The following DENND1A variants were observed in gnomAD, a reference collection of about 807,000 sequenced individuals.
The protein encoded by DENND1A is DENN domain containing 1A.
Under a neutral mutation model 113.7 loss-of-function variants are expected in DENND1A, and 51 were observed. The ratio of observed to expected loss-of-function variants is 0.45; its 90% CI spans 0.36 to 0.57. The LOEUF (loss-of-function observed/expected upper bound fraction) is 0.57, where lower values mean the gene tolerates loss of function less well. DENND1A is among the 20% of genes least tolerant of loss of function. The pLI is 0.00. For missense variants in DENND1A, 1,258 were observed against 1,395.9 expected, an observed-to-expected ratio of 0.90 and a Z score of 1.57; for synonymous variants, 565 against 570.8, an observed-to-expected ratio of 0.99 and a Z score of 0.14.
At chr9:123,757,474 T>G (rs1448387954) in intron 5 of DENND1A, among the ~76,000 whole-genome samples, 6 of 152,224 alleles carry the variant, frequency 3.9e-5, no homozygotes, top group Non-Finnish European at 7.3e-5. Flanking sequence ...TCAGAAGAGA[T>G]GGTCCCCTTT....
chr9:123,723,673 T>G (rs137979292), intron 5 of DENND1A, among the ~76,000 whole-genome samples: 2 of 152,168 alleles, frequency 1.3e-5, no homozygotes, highest in Non-Finnish European at 2.9e-5. Flanking sequence ...CTGCCATCCA[T>G]GTAAGATGTG....
chr9:123,419,575 A>G (rs2045058416), intron 19 of DENND1A, among the ~76,000 whole-genome samples: 1 of 152,236 alleles, frequency 6.6e-6, no homozygotes, highest in Admixed American at 6.5e-5. Context: ...TATGCATGAA[A>G]CAGACCCGGT....
chr9:123,703,187 C>A (rs1484464791), intron 5 of DENND1A, among the ~76,000 whole-genome samples: 1 of 152,166 alleles, frequency 6.6e-6, no homozygotes, highest in African/African-American at 2.4e-5. Context: ...TGGGGTTTCA[C>A]TATGTTACCC....
intron 7 of DENND1A, among the ~76,000 whole-genome samples, chr9:123,667,920 C>G (rs780299216): frequency 2.0e-5 from 3 of 152,052 alleles, no homozygotes; most frequent in Non-Finnish European, 2.9e-5. Context: ...AAATTCTGCC[C>G]CCGAAGCCCA....
In DENND1A at chr9:123,923,444, A is replaced by G. The variant is rs111703428; in HGVS notation, c.17+6445T>C. Among the ~76,000 whole-genome samples the G allele has an allele frequency of 2.7e-3, 416 of 152,356 alleles. 2 individuals carry two copies. Among genetic ancestry groups the G allele is most frequent in the Middle Eastern group, 0.01 (3 of 294 alleles). ...TGGCGGAGAAAGGGAAGAGGGGAAT[A>G]GGCATTAGAGGAAGAAGGCCTGGAA... On this transcript the variant is annotated intron_variant, in intron 1 of 23. Coordinates refer to ENST00000394215, the MANE Select transcript of DENND1A (RefSeq NM_001352964.2).
intron 13 of DENND1A, among the ~76,000 whole-genome samples, chr9:123,470,880 GGCTGA>G (rs1403357697): frequency 6.6e-6 from 1 of 152,172 alleles, no homozygotes; most frequent in East Asian, 1.9e-4. Context: ...ACTCATGCAG[GGCTGA>G]GTCTCTGGTG....
chr9:123,545,118 C>T (rs1285433806), intron 13 of DENND1A, among the ~76,000 whole-genome samples: 3 of 151,066 alleles, frequency 2.0e-5, no homozygotes, highest in Non-Finnish European at 4.4e-5. Context: ...AAAAAAAGAA[C>T]TATGACAACT....
intron 13 of DENND1A, among the ~76,000 whole-genome samples, chr9:123,462,414 T>TGTG (rs1302811921): frequency 6.6e-6 from 1 of 152,242 alleles, no homozygotes; most frequent in East Asian, 1.9e-4. Flanking sequence ...GCAGCATGCA[T>TGTG]GTGGTCTACT....
intron 13 of DENND1A, among the ~76,000 whole-genome samples, chr9:123,459,528 A>G (rs1048202938): frequency 3.9e-5 from 6 of 151,996 alleles, no homozygotes; most frequent in African/African-American, 1.5e-4. Context: ...CAAGAAGACG[A>G]TACCCTGAGT....
At chr9:123,454,176 C>T (rs1389426595) in intron 16 of DENND1A, among the ~76,000 whole-genome samples, 1 of 152,198 alleles carries the variant, frequency 6.6e-6, no homozygotes, top group African/African-American at 2.4e-5. Context: ...CTGCTGCATC[C>T]CCAGTACCCA....
chr9:123,395,468 C>CTGTGTGTGTGTGTG (rs60527655), intron 21 of DENND1A, among the ~76,000 whole-genome samples: 1 of 142,890 alleles, frequency 7.0e-6, no homozygotes, highest in African/African-American at 2.7e-5. Flanking sequence ...CTCTCTCTCT[C>CTGTGTGTGTGTGTG]TGTGTGTGTG....
intron 13 of DENND1A, among the ~76,000 whole-genome samples, chr9:123,522,490 T>G (rs1310936132): frequency 6.6e-6 from 1 of 152,164 alleles, no homozygotes; most frequent in Non-Finnish European, 1.5e-5. Flanking sequence ...CAGCCACACA[T>G]AGTAAAGTGG....
At chr9:123,843,430 C>A in intron 2 of DENND1A, 1 of 301,726 alleles carries the variant, frequency 3.3e-6, no homozygotes. Flanking sequence ...AACCAAATCT[C>A]AAAAGCATAG....
intron 19 of DENND1A, among the ~76,000 whole-genome samples, chr9:123,412,207 C>T (rs1201685117): frequency 6.6e-6 from 1 of 152,208 alleles, no homozygotes; most frequent in Non-Finnish European, 1.5e-5. Context: ...TGCATGTCCC[C>T]CAAGACCGGG....
chr9:123,682,610 G>C (rs13289220), intron 5 of DENND1A, among the ~76,000 whole-genome samples: 1 of 152,112 alleles, frequency 6.6e-6, no homozygotes, highest in African/African-American at 2.4e-5. Flanking sequence ...TTAAAAAGCA[G>C]AGCAGCATGG....
chr9:123,421,373 C>A (rs1449266747), intron 19 of DENND1A, among the ~76,000 whole-genome samples: 1 of 152,050 alleles, frequency 6.6e-6, no homozygotes, highest in African/African-American at 2.4e-5. Flanking sequence ...CCCAAGTACG[C>A]CTGACTCCAA....
chr9:123,466,837 C>T (rs1180426215), intron 13 of DENND1A, among the ~76,000 whole-genome samples: 1 of 151,370 alleles, frequency 6.6e-6, no homozygotes, highest in East Asian at 1.9e-4. Context: ...GAGTTTGAGA[C>T]CAGCCTGGGC....
intron 9 of DENND1A, among the ~76,000 whole-genome samples, chr9:123,639,091 G>C (rs143922992): frequency 1.6e-5 from 1 of 63,446 alleles, no homozygotes; most frequent in Non-Finnish European, 3.4e-5. Context: ...AAAAGAAAAA[G>C]AAAAAGAAAA....
chr9:123,381,845 A>G lies in DENND1A; in HGVS notation c.2800T>C (p.Ser934Pro). The change falls in exon 24 of 24, where the codon TCC becomes CCC. Residue 934 changes from serine to proline, a missense_variant. Physicochemically the swap from Ser to Pro is moderately conservative, Grantham distance 74. Transcript: ENST00000394215. The surrounding 1 kb of genome is among the most constrained non-coding windows in gnomAD (Gnocchi z 4.7). The stretch of plus-strand genomic sequence containing the variant: ...TGAGGGGCACAGAAGCCAGCACTGG[A>G]CAGCAGGAGGCCGGACGCAAAAGCC... The part of the protein sequence containing the change: ...GPAFASGLLL[S>P]SAGFCAPHRS... 1 of 1,479,332 alleles carries G rather than the reference A, an allele frequency of 6.8e-7. No individual in the cohort carries two copies. Among genetic ancestry groups the G allele is most frequent in the Non-Finnish European group, 9.0e-7 (1 of 1,114,582 alleles). The allele number at this position is 1,479,332 out of a possible 1,614,324, so 91.6% of individuals were successfully genotyped here.
Sources: allele counts gnomAD v4.1 joint callset (sites outside exome capture counted in the v4.1 genomes callset), GRCh38; gene constraint gnomAD v4.1.1; non-coding constraint Gnocchi (gnomAD v3.1); transcripts MANE v1.5; gene names NCBI Gene and HGNC (gene_info 2026-07-23, HGNC 2026-07-21).